Variants in TMEM132C observed in about 807,000 individuals in gnomAD.
TMEM132C encodes the protein protein phosphatase 1, regulatory subunit 152.
A neutral mutation model predicts 61.4 loss-of-function variants in TMEM132C; 29 were observed. The ratio of observed to expected loss-of-function variants is 0.47; its 90% CI spans 0.35 to 0.64. The LOEUF (loss-of-function observed/expected upper bound fraction) is 0.64. Ranked by LOEUF, TMEM132C falls within the 30% of genes least tolerant of loss-of-function variation. The pLI is 0.00. For missense variants in TMEM132C, 1,408 were observed against 1,476.9 expected (o/e 0.95, Z 0.76); for synonymous variants, 656 against 633.1 (o/e 1.04, Z -0.54).
chr12:128,532,000 T>C (rs1873328389), intron 2 of TMEM132C, among the ~76,000 whole-genome samples: 1 of 152,226 alleles, frequency 6.6e-6, no homozygotes, highest in Non-Finnish European at 1.5e-5. Context: ...TTCAATAGTT[T>C]CTATGCAGAG....
chr12:128,664,763 G>A (rs7954473), intron 4 of TMEM132C, among the ~76,000 whole-genome samples: 2 of 152,316 alleles, frequency 1.3e-5, no homozygotes, highest in Admixed American at 6.5e-5. Context: ...GGCATCCACC[G>A]CCAGCCAGCC....
In TMEM132C at chr12:128,604,346, GGATA is replaced by G. The variant is rs201818639; in HGVS notation, c.1122-11798_1122-11795del. Among the ~76,000 whole-genome samples, 972 of 151,892 alleles carry G rather than the reference GGATA, an allele frequency of 6.4e-3. 7 individuals are homozygous for G. Among genetic ancestry groups the G allele is most frequent in the Middle Eastern group, 0.017 (5 of 292 alleles). On this transcript the variant is annotated intron_variant, in intron 3 of 8. Transcript: ENST00000435159. ...TGGACGTGTGGATAGAAAGATGGAT[GGATA>G]GATAGATGGATAATAGAGGGATAGA... is the stretch of plus-strand genomic sequence containing the variant.
chr12:128,401,852 C>T (rs1875170349), intron 1 of TMEM132C, among the ~76,000 whole-genome samples: 1 of 152,302 alleles, frequency 6.6e-6, no homozygotes, highest in East Asian at 1.9e-4. Flanking sequence ...TCTCTACATG[C>T]CAGTGGTGTT....
Position 128,415,338 on chromosome 12 carries a change from C to T in TMEM132C, c.692C>T (p.Thr231Ile). 6.3e-7 allele frequency: 1 copy of T among 1,584,302 alleles called. No homozygotes were observed. The highest frequency in any genetic ancestry group is 8.6e-7 in the Non-Finnish European group (1 of 1,164,004). Reference sequence around the variant, plus strand: ...GGGACCCCTGTGGAGCTCTACTACACCGTGCACCCAGGAAACGAGCGAGGG... The same window carrying T: ...GGGACCCCTGTGGAGCTCTACTACATCGTGCACCCAGGAAACGAGCGAGGG... ...PEGTPVELYY[T>I]VHPGNERGDC... The change falls in exon 2 of 9, where the codon ACC becomes ATC. Residue 231 changes from threonine to isoleucine, a missense_variant. Transcript: ENST00000435159. This position sits in a 1 kb window ranked among gnomAD's most constrained non-coding sequence, Gnocchi z 5.8.
chr12:128,295,632 G>T (rs1380509320), intron 1 of TMEM132C, among the ~76,000 whole-genome samples: 1 of 77,758 alleles, frequency 1.3e-5, no homozygotes. Context: ...TGCCTTTTAA[G>T]TCCTTCAAAA....
intron 3 of TMEM132C, among the ~76,000 whole-genome samples, chr12:128,599,485 G>T (rs1876091554): frequency 6.6e-6 from 1 of 152,208 alleles, no homozygotes; most frequent in Non-Finnish European, 1.5e-5. Flanking sequence ...GGAGACGGTT[G>T]CCTTGCTGCT....
Position 128,395,420 on chromosome 12 carries a change from G to T in TMEM132C, c.86-19312G>T, listed in dbSNP as rs1410127256. Among the ~76,000 whole-genome samples, 3 of 152,132 alleles carry T rather than the reference G, an allele frequency of 2.0e-5. No homozygotes were observed. In the East Asian group the frequency reaches 5.8e-4, roughly 29 times the overall value. ...CAGAATACTAAATTTGTTGGAGGTGGCAATGTGCCCAGTTAAAAACACAGA... is the reference window on the plus strand; with the variant it reads ...CAGAATACTAAATTTGTTGGAGGTGTCAATGTGCCCAGTTAAAAACACAGA... On this transcript the variant is annotated intron_variant, in intron 1 of 8. Coordinates refer to ENST00000435159, the MANE Select transcript of TMEM132C (RefSeq NM_001136103.3).
intron 1 of TMEM132C, among the ~76,000 whole-genome samples, chr12:128,381,560 T>C (rs1334506074): frequency 2.0e-5 from 3 of 152,184 alleles, no homozygotes; most frequent in Non-Finnish European, 2.9e-5. Context: ...AGCAAACCTA[T>C]GGACGTGAGA....
chr12:128,394,737 G>T (rs1874882932), intron 1 of TMEM132C, among the ~76,000 whole-genome samples: 1 of 152,134 alleles, frequency 6.6e-6, no homozygotes, highest in South Asian at 2.1e-4. Flanking sequence ...TTTAAAGTGT[G>T]TTGTGCACCT....
intron 2 of TMEM132C, among the ~76,000 whole-genome samples, chr12:128,448,863 G>A (rs762788628): frequency 2.6e-5 from 4 of 151,860 alleles, no homozygotes; most frequent in Non-Finnish European, 5.9e-5. Context: ...TGTTTTGTTG[G>A]GCCTGTGTCA....
At chr12:128,507,694 G>T (rs1017128686) in intron 2 of TMEM132C, among the ~76,000 whole-genome samples, 2 of 152,132 alleles carry the variant, frequency 1.3e-5, no homozygotes, top group Non-Finnish European at 2.9e-5. Context: ...TGTTTCGAAA[G>T]GTGTGAAACC....
intron 2 of TMEM132C, among the ~76,000 whole-genome samples, chr12:128,493,326 A>C (rs1349962992): frequency 1.3e-5 from 2 of 152,152 alleles, no homozygotes; most frequent in African/African-American, 2.4e-5. Context: ...TTGTCTTCGC[A>C]ATGTGGAATG....
At chr12:128,425,007 C>T in intron 2 of TMEM132C, among the ~76,000 whole-genome samples, 1 of 152,312 alleles carries the variant, frequency 6.6e-6, no homozygotes, top group Non-Finnish European at 1.5e-5. Flanking sequence ...CAACTTCAAT[C>T]AGATATGTGG....
intron 8 of TMEM132C, among the ~76,000 whole-genome samples, chr12:128,701,906 T>C (rs1400660633): frequency 0.019 from 2,850 of 150,516 alleles, 86 homozygotes; most frequent in African/African-American, 0.066. Flanking sequence ...CTTCTTTTTT[T>C]TTTTTTTTTT....
intron 1 of TMEM132C, among the ~76,000 whole-genome samples, chr12:128,410,474 C>T (rs1304221551): frequency 2.0e-5 from 3 of 152,170 alleles, no homozygotes; most frequent in Non-Finnish European, 4.4e-5. Flanking sequence ...ATGCTCTCGG[C>T]TCACTGCAAC....
rs1874850630 is a variant in TMEM132C, at chr12:128,570,779, G to T, written c.1121+26676G>T. On this transcript the variant is annotated intron_variant, in intron 3 of 8. Coordinates refer to ENST00000435159, the MANE Select transcript of TMEM132C (RefSeq NM_001136103.3). This position sits in a 1 kb window ranked among gnomAD's most constrained non-coding sequence, Gnocchi z 4.7. ...GATGTATGGCTAAGGCAATAAGTAG[G>T]TGAAGGCTGGCGCTGTTTGCCTCTT... Among the ~76,000 whole-genome samples the T allele has an allele frequency of 6.6e-6, 1 of 152,232 alleles. No homozygotes were observed. Among genetic ancestry groups the T allele is most frequent in the Non-Finnish European group, 1.5e-5 (1 of 68,054 alleles).
At chr12:128,303,677 G>A (rs910074209) in intron 1 of TMEM132C, among the ~76,000 whole-genome samples, 1 of 152,174 alleles carries the variant, frequency 6.6e-6, no homozygotes, top group Non-Finnish European at 1.5e-5. Flanking sequence ...CAGAAATGGT[G>A]GCTGTTTTCC....
chr12:128,626,056 A>C (rs973925698), intron 4 of TMEM132C, among the ~76,000 whole-genome samples: 1 of 152,250 alleles, frequency 6.6e-6, no homozygotes, highest in African/African-American at 2.4e-5. Context: ...TACTTAATTC[A>C]GTAATAAAGA....
intron 1 of TMEM132C, among the ~76,000 whole-genome samples, chr12:128,353,650 G>T (rs1330673705): frequency 6.6e-6 from 1 of 152,164 alleles, no homozygotes. Context: ...GATGCTGTTT[G>T]TTTTCCCACA....
Sources: gnomAD v4.1 joint callset for allele counts (sites outside exome capture counted in the v4.1 genomes callset) on GRCh38, gnomAD v4.1.1 for gene constraint, Gnocchi (gnomAD v3.1) non-coding constraint, MANE v1.5 for transcripts, NCBI Gene and HGNC (gene_info 2026-07-23, HGNC 2026-07-21) for gene names.